The following CYP4F22 variants were observed in gnomAD, a reference collection of about 807,000 sequenced individuals.
The protein encoded by CYP4F22 is ultra-long-chain fatty acid omega-hydroxylase.
In CYP4F22, 37 loss-of-function variants were observed where a neutral mutation model predicts 60.4. The ratio of observed to expected loss-of-function variants is 0.61; its 90% CI spans 0.47 to 0.81. The LOEUF is 0.81. Among genes scored for constraint, CYP4F22 ranks in the 30% least tolerant of loss-of-function variants. CYP4F22 has a pLI of 0.00. For synonymous variants in CYP4F22, 258 were observed against 280.5 expected (o/e 0.92, Z 0.80); for missense variants, 655 against 715.0 (o/e 0.92, Z 0.96).
At chr19:15,524,676 G>GAC (rs1971260530) in intron 2 of CYP4F22, among the ~76,000 whole-genome samples, 1 of 119,170 alleles carries the variant, frequency 8.4e-6, no homozygotes, top group Non-Finnish European at 1.9e-5. Flanking sequence ...GAAGGAGAGA[G>GAC]AGAGAGAAAG....
chr19:15,513,605 C>T (rs1306571249), intron 1 of CYP4F22, among the ~76,000 whole-genome samples: 1 of 152,018 alleles, frequency 6.6e-6, no homozygotes, highest in East Asian at 1.9e-4. Context: ...ACCTCGTGAT[C>T]TGCCCGCCTC....
chr19:15,523,431 G>A (rs766171550), intron 1 of CYP4F22, among the ~76,000 whole-genome samples: 3 of 152,110 alleles, frequency 2.0e-5, no homozygotes, highest in East Asian at 3.9e-4. Context: ...GGAAGACAGC[G>A]CCAAGGGGAT....
chr19:15,548,438 G>T (rs1971558730), intron 11 of CYP4F22, among the ~76,000 whole-genome samples, 197 bp downstream of exon 11: 1 of 152,178 alleles, frequency 6.6e-6, no homozygotes. Flanking sequence ...GGTGAGTCCA[G>T]GTGGAAAGGA....
chr19:15,547,990 AGAGAGGGAGAGAGTGTGTGTGTGTGT>A lies in CYP4F22; in HGVS notation c.1137-116_1137-91del. 50 of 338,938 alleles carry A rather than the reference AGAGAGGGAGAGAGTGTGTGTGTGTGT, an allele frequency of 1.5e-4. 1 individual carries two copies. Among genetic ancestry groups the A allele is most frequent in the Non-Finnish European group, 1.8e-4 (39 of 222,542 alleles). The allele number at this position is 338,938 out of a possible 1,614,324, so 21.0% of individuals were successfully genotyped here. On this transcript the variant is annotated intron_variant, in intron 10 of 13. Transcript: ENST00000269703. ...CCCTGAGAGAGAGAGAGAGAGAGAGAGAGAGGGAGAGAGTGTGTGTGTGTGTGTGTGTGTGTGTGTGTGTGTGTGTG... is the reference window on the plus strand; with the variant it reads ...CCCTGAGAGAGAGAGAGAGAGAGAGAGTGTGTGTGTGTGTGTGTGTGTGTG...
In CYP4F22 at chr19:15,532,259, CCCT is replaced by C. The variant is rs1261817673; in HGVS notation, c.367+2412_367+2414del. Among the ~76,000 whole-genome samples, 3 of 149,866 alleles carry C rather than the reference CCCT, an allele frequency of 2.0e-5. No homozygotes were observed. The South Asian group carries it at 6.4e-4, about 32-fold the overall frequency. On this transcript the variant is annotated intron_variant, in intron 4 of 13. Coordinates refer to ENST00000269703, the MANE Select transcript of CYP4F22 (RefSeq NM_173483.4). ...TACTTCTCTCTCTACTCCTCTTTCC[CCCT>C]CCTCCCTTCTCTTCTTCTTTCTCTC...
At chr19:15,547,500 C>T (rs1272151499) in intron 10 of CYP4F22, among the ~76,000 whole-genome samples, 1 of 152,024 alleles carries the variant, frequency 6.6e-6, no homozygotes, top group Non-Finnish European at 1.5e-5. Context: ...CTGTTCTGAG[C>T]GGTTGGTGCT....
Position 15,551,281 on chromosome 19 carries a change from C to T in CYP4F22, c.1419-13C>T. On this transcript the variant is annotated splice_polypyrimidine_tract_variant and intron_variant, in intron 13 of 13. Transcript: ENST00000269703. ...CAGAAGCTGGGCCTGAGCCCTGTCC[C>T]CTCTTCCTCCAGGAATTGCATCGGA... 6.2e-7 allele frequency: 1 copy of T among 1,609,068 alleles called. No homozygotes were observed. Among genetic ancestry groups the T allele is most frequent in the Non-Finnish European group, 8.5e-7 (1 of 1,177,858 alleles).
chr19:15,550,243 T>C (rs1971578599), intron 12 of CYP4F22, among the ~76,000 whole-genome samples: 1 of 152,086 alleles, frequency 6.6e-6, no homozygotes, highest in African/African-American at 2.4e-5. Context: ...CAATGAGCTA[T>C]GATCGCGCTT....
At chr19:15,509,261 T>G (rs539916647) in intron 1 of CYP4F22, among the ~76,000 whole-genome samples, 3 of 152,244 alleles carry the variant, frequency 2.0e-5, no homozygotes, top group African/African-American at 7.2e-5. Context: ...TGGCCCAGCC[T>G]GGGTATGCAA....
chr19:15,539,114 C>G (rs777212804), intron 7 of CYP4F22, among the ~76,000 whole-genome samples: 1 of 152,174 alleles, frequency 6.6e-6, no homozygotes, highest in Non-Finnish European at 1.5e-5. Flanking sequence ...CAGAGTTGTG[C>G]AACCATTACT....
At chr19:15,538,904 C>A (rs1448043724) in intron 7 of CYP4F22, among the ~76,000 whole-genome samples, 1 of 152,094 alleles carries the variant, frequency 6.6e-6, no homozygotes, top group African/African-American at 2.4e-5. Context: ...CAGGTAATAA[C>A]CATGAACAAG....
At chr19:15,525,629 G>A in intron 3 of CYP4F22, 71 bp downstream of exon 3, 2 of 1,442,302 alleles carry the variant, frequency 1.4e-6, no homozygotes, top group Non-Finnish European at 1.9e-6. Context: ...GGGATGGTGG[G>A]CCTGCTGGCT....
intron 1 of CYP4F22, among the ~76,000 whole-genome samples, chr19:15,513,321 G>A (rs1483749061): frequency 3.4e-5 from 5 of 148,266 alleles, no homozygotes; most frequent in Non-Finnish European, 7.4e-5. Context: ...GACTACAGGC[G>A]AATGCTGCCA....
intron 1 of CYP4F22, among the ~76,000 whole-genome samples, chr19:15,520,778 T>G (rs1159144623): frequency 1.3e-5 from 2 of 150,070 alleles, no homozygotes; most frequent in Admixed American, 1.3e-4. Flanking sequence ...TTTTTTGTTT[T>G]TTTTTTTTGA....
intron 10 of CYP4F22, among the ~76,000 whole-genome samples, chr19:15,545,371 G>T (rs1202987234): frequency 6.6e-6 from 1 of 152,080 alleles, no homozygotes; most frequent in Non-Finnish European, 1.5e-5. Flanking sequence ...CATTAGGCTG[G>T]GCGTGGTGGC....
In CYP4F22 at chr19:15,537,223, C is replaced by T. The variant is rs538252249; in HGVS notation, c.368-138C>T. The T allele has an allele frequency of 2.4e-5, 27 of 1,128,742 alleles. No homozygotes were observed. In the South Asian group the frequency reaches 3.2e-4, roughly 14 times the overall value. The allele number at this position is 1,128,742 out of a possible 1,614,324, so 69.9% of individuals were successfully genotyped here. On this transcript the variant is annotated intron_variant, in intron 4 of 13. Transcript: ENST00000269703. ...GGCAGAGGCAGGAAAACTGCTTGAA[C>T]CTGGGAGGCGGAGGTTGCAGTGAGT...
intron 4 of CYP4F22, among the ~76,000 whole-genome samples, chr19:15,531,585 C>G (rs1971343893): frequency 6.6e-6 from 1 of 152,040 alleles, no homozygotes; most frequent in Non-Finnish European, 1.5e-5. Flanking sequence ...GATGACGATC[C>G]CTGTTGAACT....
Position 15,515,479 on chromosome 19 carries a change from C to T in CYP4F22, c.-109+6896C>T. On this transcript the variant is annotated intron_variant, in intron 1 of 13. Coordinates refer to ENST00000269703, the MANE Select transcript of CYP4F22 (RefSeq NM_173483.4). Reference sequence around the variant, plus strand: ...GTGGCTCACGCTTGCAATCCCAGCACTTTGGGAGGCCGAGGTGGATGGTTC... The same window carrying T: ...GTGGCTCACGCTTGCAATCCCAGCATTTTGGGAGGCCGAGGTGGATGGTTC... 3 of 750,082 alleles carry T rather than the reference C, an allele frequency of 4.0e-6. No homozygotes were observed. In the South Asian group the frequency reaches 4.0e-5, roughly 10 times the overall value. 46.5% of individuals were successfully genotyped at this position (750,082 alleles called of 1,614,324 possible).
At chr19:15,525,255 G>A (rs1691202657) in intron 2 of CYP4F22, 81 bp from the exon 3 acceptor site, 4 of 1,388,716 alleles carry the variant, frequency 2.9e-6, no homozygotes, top group South Asian at 2.4e-5. Flanking sequence ...GGAACCTTCT[G>A]TGCACTAGGC....
Sources: allele counts gnomAD v4.1 joint callset (sites outside exome capture counted in the v4.1 genomes callset), GRCh38; gene constraint gnomAD v4.1.1; transcripts MANE v1.5; gene names NCBI Gene and HGNC (gene_info 2026-07-23, HGNC 2026-07-21).